Variants in ITSN1 observed in about 807,000 individuals in gnomAD.
ITSN1 encodes intersectin-1.
A neutral mutation model predicts 239.8 loss-of-function variants in ITSN1; 58 were observed. That is an observed-to-expected ratio of 0.24 (90% CI 0.20 to 0.30). The LOEUF (loss-of-function observed/expected upper bound fraction) is 0.30. Ranked by LOEUF, ITSN1 falls within the 10% of genes least tolerant of loss-of-function variation. ITSN1 has a pLI of 1.00. For missense variants in ITSN1, 1,558 were observed against 2,103.3 expected, an observed-to-expected ratio of 0.74 and a Z score of 5.07; for synonymous variants, 780 against 770.8, an observed-to-expected ratio of 1.01 and a Z score of -0.20.
chr21:33,870,330 A>G (rs567255589), intron 33 of ITSN1, among the ~76,000 whole-genome samples: 36 of 152,188 alleles, frequency 2.4e-4, no homozygotes, highest in Non-Finnish European at 5.0e-4. Context: ...TATCTAGCCA[A>G]TGGGAGAAAA....
chr21:33,830,529 A>G (rs564617391), intron 27 of ITSN1, among the ~76,000 whole-genome samples: 1 of 152,124 alleles, frequency 6.6e-6, no homozygotes, highest in South Asian at 2.1e-4. Flanking sequence ...GCCGGGAGGG[A>G]GGAGGGAGGG....
At chr21:33,643,363 C>T (rs1158832721) in intron 1 of ITSN1, 3 of 152,244 alleles carry the variant, frequency 2.0e-5, no homozygotes, top group African/African-American at 7.2e-5. Context: ...CCCTTCCCTT[C>T]TTACGCACCG....
intron 24 of ITSN1, among the ~76,000 whole-genome samples, chr21:33,821,108 T>C (rs1569250208): frequency 6.6e-6 from 1 of 152,222 alleles, no homozygotes; most frequent in African/African-American, 2.4e-5. Context: ...CTTCATTCCC[T>C]GGATTAGTGA....
intron 4 of ITSN1, 83 bp downstream of exon 4, chr21:33,722,734 C>A: frequency 7.6e-7 from 1 of 1,308,210 alleles, no homozygotes; most frequent in Non-Finnish European, 1.0e-6. Context: ...AATATGATTT[C>A]TTATGTTATA....
At chr21:33,751,789 A>G in intron 6 of ITSN1, 21 bp from the exon 7 acceptor site, 1 of 1,545,898 alleles carries the variant, frequency 6.5e-7, no homozygotes, top group Non-Finnish European at 8.9e-7. Flanking sequence ...AATTAAAATT[A>G]TTCAACATTT....
In ITSN1 at chr21:33,797,286, A is replaced by G; in HGVS notation, c.1953-93A>G. ...AATGTTCCCTTGATGTTCCCATCCC[A>G]TTTACTGGATGGAGCTTTTTTTGTG... On this transcript the variant is annotated intron_variant, in intron 17 of 39. Transcript: ENST00000381318. The surrounding 1 kb of genome is among the most constrained non-coding windows in gnomAD (Gnocchi z 4.9). 1 of 1,025,670 alleles carries G rather than the reference A, an allele frequency of 9.7e-7. No individual in the cohort carries two copies. The highest frequency in any genetic ancestry group is 1.5e-6 in the Non-Finnish European group (1 of 667,722). The allele number at this position is 1,025,670 out of a possible 1,614,324, so 63.5% of individuals were successfully genotyped here. A position where few individuals can be genotyped will look rare whatever the true frequency, so the allele number is the denominator to read the frequency against.
At chr21:33,852,074 C>T (rs1483849454) in intron 29 of ITSN1, among the ~76,000 whole-genome samples, 1 of 152,184 alleles carries the variant, frequency 6.6e-6, no homozygotes, top group Non-Finnish European at 1.5e-5. Flanking sequence ...AGACATAAGC[C>T]ACCAAGCCCA....
intron 29 of ITSN1, among the ~76,000 whole-genome samples, chr21:33,841,004 G>A (rs894018172): frequency 1.3e-5 from 2 of 152,040 alleles, no homozygotes; most frequent in African/African-American, 4.8e-5. Context: ...GGCCTGCAGA[G>A]TTGGGGAGCC....
chr21:33,656,857 C>T (rs1181379199), intron 1 of ITSN1, among the ~76,000 whole-genome samples: 4 of 151,980 alleles, frequency 2.6e-5, no homozygotes, highest in East Asian at 1.9e-4. Flanking sequence ...ATTACAGGCG[C>T]CTGCCACCAC....
intron 1 of ITSN1, among the ~76,000 whole-genome samples, chr21:33,680,964 T>C (rs944002484): frequency 6.6e-6 from 1 of 152,222 alleles, no homozygotes; most frequent in African/African-American, 2.4e-5. Flanking sequence ...CAAATCTCAG[T>C]AGTTTACGAC....
chr21:33,850,838 T>G (rs920006007), intron 29 of ITSN1, among the ~76,000 whole-genome samples: 4 of 152,036 alleles, frequency 2.6e-5, no homozygotes, highest in Non-Finnish European at 5.9e-5. Flanking sequence ...GCAGTTAGAT[T>G]AATTTGCCCA....
intron 33 of ITSN1, among the ~76,000 whole-genome samples, chr21:33,873,815 T>A (rs1983166925): frequency 6.6e-6 from 1 of 152,048 alleles, no homozygotes; most frequent in African/African-American, 2.4e-5. Context: ...GAGGTTGCAG[T>A]GAGATGAGAT....
intron 1 of ITSN1, among the ~76,000 whole-genome samples, chr21:33,653,768 C>T (rs534464029): frequency 5.3e-5 from 8 of 152,240 alleles, no homozygotes; most frequent in African/African-American, 1.4e-4. Flanking sequence ...GTGATCCGCC[C>T]GTCTCGGCCT....
chr21:33,649,713 G>A (rs2088327805), intron 1 of ITSN1, among the ~76,000 whole-genome samples: 1 of 152,048 alleles, frequency 6.6e-6, no homozygotes, highest in South Asian at 2.1e-4. Context: ...AAGTGAATTC[G>A]AATGTGAAAA....
intron 26 of ITSN1, among the ~76,000 whole-genome samples, chr21:33,828,430 C>G (rs924953889): frequency 6.6e-6 from 1 of 152,210 alleles, no homozygotes; most frequent in Admixed American, 6.5e-5. Flanking sequence ...CAGGCAGGGC[C>G]AGGCCTGCAC....
At chr21:33,789,111 T>C (rs192619877) in intron 16 of ITSN1, among the ~76,000 whole-genome samples, 116 of 152,358 alleles carry the variant, frequency 7.6e-4, no homozygotes, top group African/African-American at 2.7e-3. Context: ...ACTGGCCTTC[T>C]TTAATAGCTC....
chr21:33,688,612 T>C (rs2146618147), intron 1 of ITSN1, among the ~76,000 whole-genome samples: 1 of 152,212 alleles, frequency 6.6e-6, no homozygotes, highest in African/African-American at 2.4e-5. Flanking sequence ...AACATCAGTT[T>C]CCAATAGATC....
intron 1 of ITSN1, among the ~76,000 whole-genome samples, chr21:33,707,489 C>T (rs988748568): frequency 6.6e-6 from 1 of 152,096 alleles, no homozygotes; most frequent in Non-Finnish European, 1.5e-5. Flanking sequence ...AATCATCATT[C>T]CCAAGAGAGC....
chr21:33,892,024 A>C lies in ITSN1; in HGVS notation c.*3724A>C, dbSNP rs1485977991. ...TTATAGCAGACACTAGCACTTTTACATGAATACCTGGTGTGCTTTGGATGT... is the reference window on the plus strand; with the variant it reads ...TTATAGCAGACACTAGCACTTTTACCTGAATACCTGGTGTGCTTTGGATGT... On this transcript the variant is annotated 3_prime_UTR_variant, in exon 40 of 40. Coordinates refer to ENST00000381318, the MANE Select transcript of ITSN1 (RefSeq NM_003024.3). 1 of 152,232 alleles carries C rather than the reference A, an allele frequency of 6.6e-6. No homozygotes were observed. Among genetic ancestry groups the C allele is most frequent in the East Asian group, 1.9e-4 (1 of 5,200 alleles). 9.4% of individuals were successfully genotyped at this position (152,232 alleles called of 1,614,324 possible).
Sources: allele counts gnomAD v4.1 joint callset (sites outside exome capture counted in the v4.1 genomes callset), GRCh38; gene constraint gnomAD v4.1.1; non-coding constraint Gnocchi (gnomAD v3.1); transcripts MANE v1.5; gene names NCBI Gene and HGNC (gene_info 2026-07-23, HGNC 2026-07-21).